Variants in BCAS3 observed in about 807,000 individuals in gnomAD.
BCAS3 encodes the protein BCAS3 microtubule associated cell migration factor, also known as BCAS4/BCAS3 fusion.
A neutral mutation model predicts 116.1 loss-of-function variants in BCAS3; 53 were observed. The observed-to-expected ratio is 0.46, with a 90% CI of 0.37 to 0.57. The LOEUF (loss-of-function observed/expected upper bound fraction) is 0.57, where lower values mean the gene tolerates loss of function less well. Ranked by LOEUF, BCAS3 falls within the 20% of genes least tolerant of loss-of-function variation. BCAS3 has a pLI of 0.00. For missense variants in BCAS3, 917 were observed against 1,165.4 expected (o/e 0.79, Z 3.10); for synonymous variants, 391 against 408.2 (o/e 0.96, Z 0.51).
At chr17:61,035,119 C>G (rs1568176945) in intron 17 of BCAS3, among the ~76,000 whole-genome samples, 8 of 152,092 alleles carry the variant, frequency 5.3e-5, no homozygotes, top group Admixed American at 3.9e-4. Flanking sequence ...CTGTGAAGTA[C>G]AGAGAGGAAA....
At chr17:60,882,803 C>G (rs1200961230) in intron 9 of BCAS3, among the ~76,000 whole-genome samples, 1 of 145,836 alleles carries the variant, frequency 6.9e-6, no homozygotes, top group Non-Finnish European at 1.5e-5. Flanking sequence ...TGATCTATAT[C>G]TCTGTTTTGG....
At position 61,356,122 on chromosome 17, in the gene BCAS3, G is replaced by A. The variant is rs956850568; in HGVS notation, c.2426-12205G>A. ...TGATTCTCCTGCCTCAGCCTCCCGAGTAGCTGGGATTACAGGCGCCTGCCA... is the reference window on the plus strand; with the variant it reads ...TGATTCTCCTGCCTCAGCCTCCCGAATAGCTGGGATTACAGGCGCCTGCCA... On this transcript the variant is annotated intron_variant, in intron 22 of 23. Coordinates refer to ENST00000407086, the MANE Select transcript of BCAS3 (RefSeq NM_017679.5). This position sits in a 1 kb window ranked among gnomAD's most constrained non-coding sequence, Gnocchi z 5.4. Among the ~76,000 whole-genome samples, 6 of 152,154 alleles carry A rather than the reference G, an allele frequency of 3.9e-5. No individual in the cohort carries two copies. Among genetic ancestry groups the A allele is most frequent in the Admixed American group, 3.9e-4 (6 of 15,280 alleles).
intron 22 of BCAS3, among the ~76,000 whole-genome samples, chr17:61,174,095 A>T (rs2144132274): frequency 6.6e-6 from 1 of 152,346 alleles, no homozygotes; most frequent in South Asian, 2.1e-4. Flanking sequence ...AATATTTTTA[A>T]ATTTACAAAT....
rs1600470571 is a variant in BCAS3, at chr17:61,013,497, A to T, written c.1487-2254A>T. Among the ~76,000 whole-genome samples, 1 of 152,224 alleles carries T rather than the reference A, an allele frequency of 6.6e-6. No individual in the cohort carries two copies. The highest frequency in any genetic ancestry group is 1.9e-4 in the East Asian group (1 of 5,188). ...ACTTCGAATGGCTTAACTATGAAGC[A>T]GTTTTTCTCATTTCTTCCACAAATA... On this transcript the variant is annotated intron_variant, in intron 15 of 23. Coordinates refer to ENST00000407086, the MANE Select transcript of BCAS3 (RefSeq NM_017679.5). The surrounding 1 kb of genome is among the most constrained non-coding windows in gnomAD (Gnocchi z 4.4).
At chr17:60,804,225 G>A (rs184281200) in intron 6 of BCAS3, among the ~76,000 whole-genome samples, 1 of 151,130 alleles carries the variant, frequency 6.6e-6, no homozygotes, top group Admixed American at 6.6e-5. Flanking sequence ...GCTCACACCT[G>A]TAATCCCAGC....
intron 22 of BCAS3, among the ~76,000 whole-genome samples, chr17:61,133,254 A>C (rs892387830): frequency 6.6e-6 from 1 of 152,196 alleles, no homozygotes; most frequent in Non-Finnish European, 1.5e-5. Context: ...TAAAGATGAA[A>C]TAGAACACAC....
chr17:60,921,469 C>T (rs958937748), intron 12 of BCAS3, among the ~76,000 whole-genome samples: 12 of 151,738 alleles, frequency 7.9e-5, no homozygotes, highest in South Asian at 4.2e-4. Flanking sequence ...AAAAATTAGC[C>T]GGGCGTAGTG....
chr17:60,722,570 G>A (rs755941733), intron 5 of BCAS3, among the ~76,000 whole-genome samples: 1 of 151,960 alleles, frequency 6.6e-6, no homozygotes, highest in Non-Finnish European at 1.5e-5. Context: ...AGACCATCCT[G>A]GCCAACATGG....
intron 22 of BCAS3, among the ~76,000 whole-genome samples, chr17:61,157,743 A>G (rs1042840817): frequency 7.2e-5 from 11 of 152,062 alleles, no homozygotes; most frequent in Admixed American, 2.6e-4. Flanking sequence ...CAAGCTGCAA[A>G]CTCTATTGAA....
chr17:61,161,584 A>T lies in BCAS3; in HGVS notation c.2425+77020A>T, dbSNP rs961476519. Among the ~76,000 whole-genome samples, 1 of 152,212 alleles carries T rather than the reference A, an allele frequency of 6.6e-6. No homozygotes were observed. On this transcript the variant is annotated intron_variant, in intron 22 of 23. Coordinates refer to ENST00000407086, the MANE Select transcript of BCAS3 (RefSeq NM_017679.5). The surrounding 1 kb of genome is among the most constrained non-coding windows in gnomAD (Gnocchi z 4.8). ...TTTCTTTTATTTTGCCTCAGTATACACATTTCTGAATGAAAAGATAGACGA... is the reference window on the plus strand; with the variant it reads ...TTTCTTTTATTTTGCCTCAGTATACTCATTTCTGAATGAAAAGATAGACGA...
rs75093283 is a variant in BCAS3, at chr17:60,845,662, G to A, written c.477-22914G>A. Reference sequence around the variant, plus strand: ...GGCTTAAAGAAGATCACAATCTGATGGAGACTTAAAAATAAAGTATAAAAA... The same window carrying A: ...GGCTTAAAGAAGATCACAATCTGATAGAGACTTAAAAATAAAGTATAAAAA... On this transcript the variant is annotated intron_variant, in intron 7 of 23. Coordinates refer to ENST00000407086, the MANE Select transcript of BCAS3 (RefSeq NM_017679.5). Among the ~76,000 whole-genome samples, 1,123 of 152,232 alleles carry A rather than the reference G, an allele frequency of 7.4e-3. 7 individuals carry two copies. Among genetic ancestry groups the A allele is most frequent in the African/African-American group, 0.026 (1,077 of 41,550 alleles).
intron 22 of BCAS3, among the ~76,000 whole-genome samples, chr17:61,113,999 C>T (rs2075264387): frequency 6.6e-6 from 1 of 150,728 alleles, no homozygotes. Context: ...ACATGATTAT[C>T]TCAATAGATG....
At chr17:61,109,240 A>G (rs1028504250) in intron 22 of BCAS3, among the ~76,000 whole-genome samples, 3 of 151,372 alleles carry the variant, frequency 2.0e-5, no homozygotes, top group African/African-American at 7.3e-5. Context: ...GTTGCTGCAA[A>G]TGCCATTATT....
intron 22 of BCAS3, among the ~76,000 whole-genome samples, chr17:61,142,554 T>C (rs1290186131): frequency 6.6e-6 from 1 of 150,724 alleles, no homozygotes; most frequent in Non-Finnish European, 1.5e-5. Context: ...AACAACATTC[T>C]GGGGCAGGGG....
intron 22 of BCAS3, among the ~76,000 whole-genome samples, chr17:61,266,360 C>T (rs1238698921): frequency 2.0e-5 from 3 of 152,164 alleles, no homozygotes; most frequent in South Asian, 2.1e-4. Flanking sequence ...ACAGAGAAAA[C>T]GGCCAGTATG....
rs2063746374 is a variant in BCAS3, at chr17:60,994,999, A to G, written c.1486+4764A>G. Among the ~76,000 whole-genome samples, 1 of 151,630 alleles carries G rather than the reference A, an allele frequency of 6.6e-6. No individual in the cohort carries two copies. The highest frequency in any genetic ancestry group is 1.5e-5 in the Non-Finnish European group (1 of 67,916). ...CTAAGGCCTTTTTTATTTTTTTGAG[A>G]CGGGGTCTCGCTCTGTCACCCAGGC... On this transcript the variant is annotated intron_variant, in intron 15 of 23. Coordinates refer to ENST00000407086, the MANE Select transcript of BCAS3 (RefSeq NM_017679.5). This position sits in a 1 kb window ranked among gnomAD's most constrained non-coding sequence, Gnocchi z 4.4.
intron 13 of BCAS3, among the ~76,000 whole-genome samples, chr17:60,943,653 CA>C (rs2060335832): frequency 6.6e-6 from 1 of 152,012 alleles, no homozygotes; most frequent in Admixed American, 6.6e-5. Flanking sequence ...AGAAAGCAGT[CA>C]GTCAGTAAGG....
chr17:60,896,785 T>A (rs1207612900), intron 10 of BCAS3, among the ~76,000 whole-genome samples: 1 of 152,180 alleles, frequency 6.6e-6, no homozygotes, highest in Non-Finnish European at 1.5e-5. Context: ...CATTTAGTTA[T>A]TCTGTCTCTT....
At chr17:60,939,162 G>A (rs2060098154) in intron 13 of BCAS3, among the ~76,000 whole-genome samples, 2 of 152,282 alleles carry the variant, frequency 1.3e-5, no homozygotes, top group South Asian at 4.1e-4. Context: ...CAGGTGCGGT[G>A]GCTCACACCT....
Sources: gnomAD v4.1 joint callset for allele counts (sites outside exome capture counted in the v4.1 genomes callset) on GRCh38, gnomAD v4.1.1 for gene constraint, Gnocchi (gnomAD v3.1) non-coding constraint, MANE v1.5 for transcripts, NCBI Gene and HGNC (gene_info 2026-07-23, HGNC 2026-07-21) for gene names.